Variants in ZNF487 observed in about 807,000 individuals in gnomAD.
The protein encoded by ZNF487 is KRAB domain only 1.
ZNF487 carries 4 observed loss-of-function variants against 3.0 expected under a neutral mutation model. That is an observed-to-expected ratio of 1.35 (90% CI 0.66 to 3.08). The LOEUF is 3.08. ZNF487 is among the 30% of genes most tolerant of loss of function. ZNF487 has a pLI of 0.01. For missense variants in ZNF487, 146 were observed against 98.7 expected, an observed-to-expected ratio of 1.48 and a Z score of -2.03; for synonymous variants, 55 against 34.6, an observed-to-expected ratio of 1.59 and a Z score of -2.06.
chr10:43,447,178 G>A (rs931200483), intron 1 of ZNF487, among the ~76,000 whole-genome samples: 12 of 152,004 alleles, frequency 7.9e-5, no homozygotes, highest in African/African-American at 2.2e-4. Context: ...AGCGGGAGAC[G>A]GAGATGAGGG....
At chr10:43,462,880 C>G (rs1329821904) in intron 1 of ZNF487, among the ~76,000 whole-genome samples, 1 of 152,054 alleles carries the variant, frequency 6.6e-6, no homozygotes, top group Non-Finnish European at 1.5e-5. Context: ...GGGGATCCTC[C>G]TGCCTCAGCC....
chr10:43,469,011 A>G (rs1259447412), intron 1 of ZNF487, among the ~76,000 whole-genome samples: 1 of 150,588 alleles, frequency 6.6e-6, no homozygotes, highest in Non-Finnish European at 1.5e-5. Flanking sequence ...AAAAAAAAAA[A>G]AAAGAAAAAG....
chr10:43,519,108 G>T, the ZNF487 span, among the ~76,000 whole-genome samples: 77 of 151,910 alleles, frequency 5.1e-4, no homozygotes, highest in Middle Eastern at 6.8e-3. Context: ...TTGAGATGGG[G>T]TCTTGCTGTG....
At position 43,482,535 on chromosome 10, in the gene ZNF487, A is replaced by T; in HGVS notation, c.*613A>T. The T allele has an allele frequency of 2.0e-6, 1 of 498,546 alleles. No individual in the cohort carries two copies. Among genetic ancestry groups the T allele is most frequent in the South Asian group, 1.5e-5 (1 of 67,306 alleles). 30.9% of individuals were successfully genotyped at this position (498,546 alleles called of 1,614,324 possible). On this transcript the variant is annotated 3_prime_UTR_variant, in exon 4 of 4. Coordinates refer to ENST00000437590, the MANE Select transcript of ZNF487 (RefSeq NM_001355444.3). ...TGGAAAAAACTTCTGTGAGAAGTCA[A>T]ATCTTCATGTACATCAGAGAACACA...
chr10:43,456,609 G>A (rs988624260), intron 1 of ZNF487, among the ~76,000 whole-genome samples: 19 of 152,102 alleles, frequency 1.2e-4, no homozygotes, highest in African/African-American at 4.6e-4. Context: ...GAGATGGAGT[G>A]TCGCTCTGTC....
chr10:43,505,033 G>T, the ZNF487 span, among the ~76,000 whole-genome samples: 1 of 151,466 alleles, frequency 6.6e-6, no homozygotes, highest in Non-Finnish European at 1.5e-5. Context: ...TAAAGAGATG[G>T]AGTATTGCTG....
At chr10:43,475,108 T>C (rs1588740568) in intron 1 of ZNF487, among the ~76,000 whole-genome samples, 1 of 152,128 alleles carries the variant, frequency 6.6e-6, no homozygotes, top group South Asian at 2.1e-4. Context: ...GATTCCCTTA[T>C]CTGCAGAAAA....
At chr10:43,444,759 G>C (rs1330663922) in intron 1 of ZNF487, among the ~76,000 whole-genome samples, 2 of 151,996 alleles carry the variant, frequency 1.3e-5, no homozygotes, top group African/African-American at 4.8e-5. Flanking sequence ...GTAGAGATGG[G>C]GTTTCACCAT....
At chr10:43,503,941 C>T in the ZNF487 span, among the ~76,000 whole-genome samples, 12 of 152,020 alleles carry the variant, frequency 7.9e-5, no homozygotes, top group Admixed American at 5.3e-4. Flanking sequence ...CTTACTATGC[C>T]TTTTCTATGT....
intron 1 of ZNF487, among the ~76,000 whole-genome samples, chr10:43,465,041 G>A (rs1398134800): frequency 9.8e-5 from 9 of 92,006 alleles, no homozygotes; most frequent in East Asian, 7.3e-4. Flanking sequence ...CTGGCCGGGC[G>A]GGGGGCTGAC....
downstream of ZNF487, among the ~76,000 whole-genome samples, chr10:43,486,372 C>T (rs548789848): frequency 1.1e-4 from 16 of 152,084 alleles, no homozygotes; most frequent in East Asian, 2.9e-3. Context: ...ACTAAAAATA[C>T]AAAATTAGCC....
chr10:43,500,303 C>T, the ZNF487 span, among the ~76,000 whole-genome samples: 1 of 152,072 alleles, frequency 6.6e-6, no homozygotes, highest in Non-Finnish European at 1.5e-5. Flanking sequence ...AGCCACCACG[C>T]CTGGCCACAC....
At chr10:43,441,891 CCT>C (rs1352143755) in intron 1 of ZNF487, among the ~76,000 whole-genome samples, 4 of 152,094 alleles carry the variant, frequency 2.6e-5, no homozygotes, top group Non-Finnish European at 5.9e-5. Context: ...CCAGCCTTCC[CCT>C]GTCTTTACAT....
At chr10:43,491,577 G>A in the ZNF487 span, among the ~76,000 whole-genome samples, 114 of 151,612 alleles carry the variant, frequency 7.5e-4, 4 homozygotes, top group Middle Eastern at 6.8e-3. Context: ...CAGACACTTC[G>A]AGCACAACAT....
At chr10:43,472,460 A>G (rs957244713) in intron 1 of ZNF487, among the ~76,000 whole-genome samples, 11 of 152,114 alleles carry the variant, frequency 7.2e-5, no homozygotes, top group African/African-American at 2.7e-4. Flanking sequence ...ACCTCTTGCA[A>G]TCCTCTCTAT....
intron 1 of ZNF487, among the ~76,000 whole-genome samples, chr10:43,462,796 G>T (rs1449575578): frequency 6.9e-6 from 1 of 144,008 alleles, no homozygotes; most frequent in Non-Finnish European, 1.5e-5. Context: ...AGAGATAGGG[G>T]TCTCATGTTG....
intron 1 of ZNF487, among the ~76,000 whole-genome samples, chr10:43,448,552 C>A (rs2132052477): frequency 6.6e-6 from 1 of 151,102 alleles, no homozygotes; most frequent in East Asian, 2.0e-4. Flanking sequence ...GCGGTGGCTC[C>A]TGCCTGTAAT....
the ZNF487 span, among the ~76,000 whole-genome samples, chr10:43,511,779 G>A: frequency 2.0e-5 from 3 of 152,120 alleles, no homozygotes; most frequent in East Asian, 1.9e-4. Context: ...TCCACGGAAC[G>A]GGTCATCCTA....
At chr10:43,454,695 G>C (rs1840112922) in intron 1 of ZNF487, 1 of 152,126 alleles carries the variant, frequency 6.6e-6, no homozygotes, top group Admixed American at 6.6e-5. Context: ...TAAATTGGTA[G>C]AGACTAGTCT....
Sources: gnomAD v4.1 joint callset for allele counts (sites outside exome capture counted in the v4.1 genomes callset) on GRCh38, gnomAD v4.1.1 for gene constraint, MANE v1.5 for transcripts, NCBI Gene and HGNC (gene_info 2026-07-23, HGNC 2026-07-21) for gene names.